Variants in FRMD3 observed in about 807,000 individuals in gnomAD.
FRMD3 encodes the protein FERM domain-containing protein 3.
Under a neutral mutation model 70.2 loss-of-function variants are expected in FRMD3, and 33 were observed. That is an observed-to-expected ratio of 0.47 (90% confidence interval 0.36 to 0.63). FRMD3 has a LOEUF of 0.63. Ranked by LOEUF, FRMD3 falls within the 20% of genes least tolerant of loss-of-function variation. The pLI, the probability that FRMD3 is intolerant of heterozygous loss-of-function variation, is 0.00. For missense variants in FRMD3, 632 were observed against 711.4 expected (o/e 0.89, Z 1.27); for synonymous variants, 279 against 255.9 (o/e 1.09, Z -0.86).
At chr9:83,497,189 C>G (rs1372414108) in intron 1 of FRMD3, among the ~76,000 whole-genome samples, 1 of 152,176 alleles carries the variant, frequency 6.6e-6, no homozygotes, top group Non-Finnish European at 1.5e-5. Context: ...ATGCACAATA[C>G]TCTTTCCATT....
In FRMD3 at chr9:83,298,761, G is replaced by A. The variant is rs1834779677; in HGVS notation, c.1057C>T (p.Pro353Ser). 2 of 1,614,194 alleles carry A rather than the reference G, an allele frequency of 1.2e-6. No individual in the cohort carries two copies. Among genetic ancestry groups the A allele is most frequent in the Non-Finnish European group, 1.7e-6 (2 of 1,180,012 alleles). ...EASSKIQREP[P>S]EVHRANITQS... is the part of the protein sequence containing the mutation. ...TCATCCACTCACCTGTGCACCTCAGGAGGCTCCCTCTGGATCTTGGAACTG... is the reference window on the plus strand; with the variant it reads ...TCATCCACTCACCTGTGCACCTCAGAAGGCTCCCTCTGGATCTTGGAACTG... The change falls in exon 12 of 14, where the codon CCT (proline) becomes TCT (serine). Residue 353 changes from proline to serine, a missense_variant. Physicochemically the swap from Pro to Ser is moderately conservative, Grantham distance 74. Transcript: ENST00000304195.
At chr9:83,453,177 C>T (rs554358572) in intron 1 of FRMD3, among the ~76,000 whole-genome samples, 163 of 152,246 alleles carry the variant, frequency 1.1e-3, no homozygotes, top group African/African-American at 3.7e-3. Context: ...TACCTTAAAT[C>T]TCAGATCTTA....
chr9:83,366,907 C>T (rs1824806259), intron 3 of FRMD3, among the ~76,000 whole-genome samples: 3 of 152,178 alleles, frequency 2.0e-5, no homozygotes, highest in African/African-American at 7.2e-5. Context: ...GTAGCATGTG[C>T]CTGTAATCCC....
chr9:83,402,141 A>G (rs1465826684), intron 1 of FRMD3, among the ~76,000 whole-genome samples: 1 of 151,482 alleles, frequency 6.6e-6, no homozygotes, highest in Non-Finnish European at 1.5e-5. Flanking sequence ...ATGATTTGTG[A>G]GTATACAGCT....
chr9:83,252,622 C>T (rs1030381213), intron 13 of FRMD3, among the ~76,000 whole-genome samples: 1 of 152,018 alleles, frequency 6.6e-6, no homozygotes, highest in African/African-American at 2.4e-5. Flanking sequence ...TTCAAGAGAC[C>T]CATCTCACGT....
At chr9:83,425,180 C>A (rs1826766121) in intron 1 of FRMD3, among the ~76,000 whole-genome samples, 1 of 152,188 alleles carries the variant, frequency 6.6e-6, no homozygotes, top group African/African-American at 2.4e-5. Flanking sequence ...ATTATTTAAT[C>A]TTGCTGGGTT....
intron 1 of FRMD3, among the ~76,000 whole-genome samples, chr9:83,474,873 C>T: frequency 6.6e-6 from 1 of 151,924 alleles, no homozygotes; most frequent in East Asian, 1.9e-4. Context: ...GCACAGCTGT[C>T]CCCACTGATG....
the FRMD3 span, among the ~76,000 whole-genome samples, chr9:83,555,507 A>G: frequency 6.6e-6 from 1 of 152,212 alleles, no homozygotes. Context: ...CCAAACAGCA[A>G]AGATGGCAGC....
chr9:83,307,969 T>A (rs1361655622), intron 10 of FRMD3, among the ~76,000 whole-genome samples: 1 of 152,194 alleles, frequency 6.6e-6, no homozygotes. Context: ...CCAACTGGTC[T>A]CCTTCCTTAT....
chr9:83,543,601 A>G, the FRMD3 span, among the ~76,000 whole-genome samples: 3 of 152,100 alleles, frequency 2.0e-5, no homozygotes, highest in Non-Finnish European at 4.4e-5. Flanking sequence ...ATCCCTCAGC[A>G]CCCACTGAGA....
chr9:83,297,955 G>A, intron 12 of FRMD3: 1 of 415,066 alleles, frequency 2.4e-6, no homozygotes, highest in South Asian at 1.7e-5. Flanking sequence ...CAAGGGACAG[G>A]GTGGAGAGGC....
intron 2 of FRMD3, among the ~76,000 whole-genome samples, chr9:83,375,846 G>A (rs11140060): frequency 0.013 from 2,049 of 152,104 alleles, 62 homozygotes; most frequent in African/African-American, 0.048. Context: ...TAACAAACCT[G>A]CACATGTACC....
chr9:83,574,982 C>T, the FRMD3 span, among the ~76,000 whole-genome samples: 2 of 152,126 alleles, frequency 1.3e-5, no homozygotes, highest in African/African-American at 4.8e-5. Context: ...TTGTTGCATC[C>T]TTGATCTCTC....
intron 6 of FRMD3, among the ~76,000 whole-genome samples, chr9:83,315,280 T>A (rs111321803): frequency 2.0e-5 from 3 of 152,344 alleles, no homozygotes; most frequent in African/African-American, 7.2e-5. Context: ...AGCTGATGTT[T>A]CCTTAAGTGT....
intron 1 of FRMD3, among the ~76,000 whole-genome samples, chr9:83,468,850 G>C (rs1002719812): frequency 6.6e-6 from 1 of 152,222 alleles, no homozygotes; most frequent in African/African-American, 2.4e-5. Context: ...GGGTGGAGAA[G>C]AGCAGGGAAG....
downstream of FRMD3, chr9:83,243,015 A>G (rs1429268545): frequency 1.6e-6 from 1 of 615,372 alleles, no homozygotes; most frequent in African/African-American, 1.8e-5. Flanking sequence ...AGCTTTATTA[A>G]TGGATTGGAG....
At chr9:83,490,452 C>A (rs981702014) in intron 1 of FRMD3, among the ~76,000 whole-genome samples, 14 of 151,920 alleles carry the variant, frequency 9.2e-5, no homozygotes, top group Non-Finnish European at 2.9e-5. Flanking sequence ...CCACACCTGG[C>A]AAATTTTTTG....
chr9:83,310,648 T>C, intron 8 of FRMD3, 100 bp from the exon 9 acceptor site: 1 of 830,516 alleles, frequency 1.2e-6, no homozygotes, highest in Non-Finnish European at 1.9e-6. Flanking sequence ...CCAGGCAGAT[T>C]GCAGTGAAAC....
intron 1 of FRMD3, among the ~76,000 whole-genome samples, chr9:83,478,052 G>A (rs1367822339): frequency 1.3e-5 from 2 of 152,140 alleles, no homozygotes; most frequent in African/African-American, 4.8e-5. Context: ...CCCAGGACTG[G>A]CTTCCCTTCT....
Sources: gnomAD v4.1 joint callset for allele counts (sites outside exome capture counted in the v4.1 genomes callset) on GRCh38, gnomAD v4.1.1 for gene constraint, MANE v1.5 for transcripts, NCBI Gene and HGNC (gene_info 2026-07-23, HGNC 2026-07-21) for gene names.